Variants in CSGALNACT1 observed in about 807,000 individuals in gnomAD.
CSGALNACT1 encodes beta4GalNAcT-1.
Under a neutral mutation model 51.0 loss-of-function variants are expected in CSGALNACT1, and 52 were observed. The ratio of observed to expected loss-of-function variants is 1.02; its 90% confidence interval spans 0.82 to 1.29. The LOEUF (loss-of-function observed/expected upper bound fraction) is 1.29. CSGALNACT1 is among the 50% of genes most tolerant of loss of function. CSGALNACT1 has a pLI of 0.00. For missense variants in CSGALNACT1, 935 were observed against 679.2 expected (o/e 1.38, Z -4.19); for synonymous variants, 341 against 254.4 (o/e 1.34, Z -3.24).
chr8:19,756,795 G>A (rs1476304217), intron 1 of CSGALNACT1, among the ~76,000 whole-genome samples: 1 of 152,210 alleles, frequency 6.6e-6, no homozygotes, highest in Non-Finnish European at 1.5e-5. Flanking sequence ...GCGGCACGTG[G>A]AAAGGCTACT....
chr8:19,655,454 T>C lies in CSGALNACT1; in HGVS notation c.-544+27019A>G, dbSNP rs1232399201. Among the ~76,000 whole-genome samples, 5 of 151,942 alleles carry C rather than the reference T, an allele frequency of 3.3e-5. No individual in the cohort carries two copies. The East Asian group carries it at 9.6e-4, about 29-fold the overall frequency. On this transcript the variant is annotated intron_variant, in intron 1 of 9. Coordinates refer to the CSGALNACT1 transcript ENST00000332246. ...TGGCTCACTGCAGCCTTGACCTCCT[T>C]GGCTCAATCAATCCTCCCATCTCAG... is the stretch of plus-strand genomic sequence containing the variant.
intron 1 of CSGALNACT1, among the ~76,000 whole-genome samples, chr8:19,664,441 A>T (rs2059016089): frequency 6.6e-6 from 1 of 152,172 alleles, no homozygotes; most frequent in South Asian, 2.1e-4. Flanking sequence ...TTCTCAAAGA[A>T]CTAAAAATAC....
At chr8:19,449,749 G>A (rs1052209629) in intron 5 of CSGALNACT1, among the ~76,000 whole-genome samples, 5 of 151,010 alleles carry the variant, frequency 3.3e-5, no homozygotes, top group Non-Finnish European at 7.4e-5. Flanking sequence ...CATGAAAAAG[G>A]GTTCTCAGTC....
intron 3 of CSGALNACT1, among the ~76,000 whole-genome samples, chr8:19,572,261 C>G (rs1213203971): frequency 1.3e-5 from 2 of 152,202 alleles, no homozygotes; most frequent in East Asian, 1.9e-4. Flanking sequence ...CTATCAAACT[C>G]TATCTCCCTA....
In CSGALNACT1 at chr8:19,509,105, G is replaced by A. The variant is rs548727404; in HGVS notation, c.-296-2975C>T. 2.6e-5 allele frequency among the ~76,000 whole-genome samples: 4 copies of A among 152,326 alleles called. No homozygotes were observed. The East Asian group carries it at 7.7e-4, about 29-fold the overall frequency. On this transcript the variant is annotated intron_variant, in intron 3 of 9. Transcript: ENST00000454498. ...GAATTTTTCCTTTGAAACGTCAGAA[G>A]CAGATAACGTGTGTCGGAAACAAAA...
chr8:19,468,450 G>A (rs921392855), intron 4 of CSGALNACT1, among the ~76,000 whole-genome samples: 2 of 152,160 alleles, frequency 1.3e-5, no homozygotes, highest in South Asian at 2.1e-4. Context: ...CTGTCCTAGA[G>A]GAAAGGGGAG....
intron 8 of CSGALNACT1, among the ~76,000 whole-genome samples, chr8:19,415,522 G>A (rs1219349491): frequency 6.6e-6 from 1 of 152,202 alleles, no homozygotes; most frequent in Non-Finnish European, 1.5e-5. Context: ...GGGAATCTGA[G>A]TGGTTTCTGC....
At chr8:19,653,927 C>G (rs1377141284) in intron 1 of CSGALNACT1, among the ~76,000 whole-genome samples, 1 of 152,192 alleles carries the variant, frequency 6.6e-6, no homozygotes, top group Admixed American at 6.5e-5. Context: ...TAGGTGTTCA[C>G]TGTCTGACAT....
intron 1 of CSGALNACT1, among the ~76,000 whole-genome samples, chr8:19,711,805 T>C (rs2062521310): frequency 1.3e-5 from 2 of 152,178 alleles, no homozygotes; most frequent in South Asian, 4.1e-4. Context: ...TGGTGTCCCA[T>C]ACTCTTCAAA....
At chr8:19,447,573 A>G (rs550385987) in intron 5 of CSGALNACT1, among the ~76,000 whole-genome samples, 1 of 152,168 alleles carries the variant, frequency 6.6e-6, no homozygotes, top group Non-Finnish European at 1.5e-5. Context: ...TGATGTACAC[A>G]ATAGGATGTG....
At chr8:19,405,689 G>T in exon 10 of CSGALNACT1, 1 of 1,519,710 alleles carries the variant, frequency 6.6e-7, no homozygotes, top group Non-Finnish European at 9.1e-7. Context: ...TTCTTTTGTC[G>T]TCCTTTATGG....
intron 4 of CSGALNACT1, among the ~76,000 whole-genome samples, chr8:19,484,388 C>T (rs1198883681): frequency 6.6e-6 from 1 of 152,136 alleles, no homozygotes; most frequent in Non-Finnish European, 1.5e-5. Context: ...GAACATACAA[C>T]TCGAGGATAA....
At chr8:19,546,320 G>C (rs556986535) in intron 3 of CSGALNACT1, among the ~76,000 whole-genome samples, 1 of 152,110 alleles carries the variant, frequency 6.6e-6, no homozygotes, top group African/African-American at 2.4e-5. Context: ...CAATATTACG[G>C]CTTTTATTTT....
intron 5 of CSGALNACT1, among the ~76,000 whole-genome samples, chr8:19,449,482 G>T (rs868350320): frequency 2.6e-5 from 4 of 152,132 alleles, no homozygotes; most frequent in Non-Finnish European, 5.9e-5. Context: ...AGGCCTTTCT[G>T]TCATATATAC....
chr8:19,552,100 A>T (rs1310585573), intron 3 of CSGALNACT1, among the ~76,000 whole-genome samples: 1 of 152,190 alleles, frequency 6.6e-6, no homozygotes, highest in East Asian at 1.9e-4. Context: ...AAAAAATAGT[A>T]ATTAGAGGAT....
intron 2 of CSGALNACT1, among the ~76,000 whole-genome samples, chr8:19,593,679 C>G (rs75964966): frequency 0.023 from 3,488 of 152,316 alleles, 148 homozygotes; most frequent in African/African-American, 0.08. Flanking sequence ...ATCAAATGAG[C>G]TGAAGACTCA....
At chr8:19,657,075 A>G (rs1398983941) in intron 1 of CSGALNACT1, among the ~76,000 whole-genome samples, 1 of 151,760 alleles carries the variant, frequency 6.6e-6, no homozygotes, top group Non-Finnish European at 1.5e-5. Context: ...TAAAAAAAAA[A>G]AAAAAAAGGA....
intron 1 of CSGALNACT1, among the ~76,000 whole-genome samples, chr8:19,658,641 C>G (rs201930422): frequency 1.3e-5 from 2 of 151,846 alleles, no homozygotes; most frequent in African/African-American, 4.8e-5. Context: ...GGCTGAGGCA[C>G]GAGAATCACT....
Position 19,447,194 on chromosome 8 carries a change from C to T in CSGALNACT1, c.852-7263G>A, listed in dbSNP as rs190951368. Among the ~76,000 whole-genome samples the T allele has an allele frequency of 2.1e-3, 327 of 152,270 alleles. 1 individual carries two copies. The highest frequency in any genetic ancestry group is 0.01 in the Middle Eastern group (3 of 294). ...GCACAAAAGCCAGGTTTCCTAAGCACCTGCCTGGTAGTCAGCTCCCCAGGT... is the reference window on the plus strand; with the variant it reads ...GCACAAAAGCCAGGTTTCCTAAGCATCTGCCTGGTAGTCAGCTCCCCAGGT... On this transcript the variant is annotated intron_variant, in intron 5 of 9. Coordinates refer to ENST00000454498, the Ensembl canonical transcript of CSGALNACT1.
Sources: gnomAD v4.1 joint callset for allele counts (sites outside exome capture counted in the v4.1 genomes callset) on GRCh38, gnomAD v4.1.1 for gene constraint, MANE v1.5 for transcripts, NCBI Gene and HGNC (gene_info 2026-07-23, HGNC 2026-07-21) for gene names.